The following PCDHA10 variants were observed in gnomAD, a reference collection of about 807,000 sequenced individuals.
The protein encoded by PCDHA10 is protocadherin alpha-10.
Under a neutral mutation model 61.2 loss-of-function variants are expected in PCDHA10, and 45 were observed. That is an observed-to-expected ratio of 0.74 (90% confidence interval 0.58 to 0.94). The LOEUF is 0.94. Among genes scored for constraint, PCDHA10 ranks in the 40% least tolerant of loss-of-function variants. PCDHA10 has a pLI of 0.00. For missense variants in PCDHA10, 1,278 were observed against 1,236.2 expected, an observed-to-expected ratio of 1.03 and a Z score of -0.51; for synonymous variants, 602 against 548.8, an observed-to-expected ratio of 1.10 and a Z score of -1.35.
chr5:140,928,921 C>A (rs782289381), intron 1 of PCDHA10: 1 of 1,614,116 alleles, frequency 6.2e-7, no homozygotes, highest in Non-Finnish European at 8.5e-7. Flanking sequence ...AGGAGGGCAG[C>A]TTTCTGCCCA....
intron 1 of PCDHA10, chr5:140,863,602 T>G: frequency 1.4e-5 from 5 of 354,858 alleles, no homozygotes; most frequent in South Asian, 1.1e-4. Flanking sequence ...TTCATTCCTA[T>G]TAATGTCCCT....
intron 1 of PCDHA10, chr5:140,882,955 C>G (rs1554176243): frequency 6.2e-7 from 1 of 1,614,178 alleles, no homozygotes; most frequent in Admixed American, 1.7e-5. Context: ...TTCAGCTGCT[C>G]ATCACGATTC....
chr5:140,958,677 G>C (rs917513084), intron 1 of PCDHA10, among the ~76,000 whole-genome samples: 3 of 152,090 alleles, frequency 2.0e-5, no homozygotes, highest in Non-Finnish European at 2.9e-5. Context: ...TAATTATAAA[G>C]GATATTGAAT....
intron 1 of PCDHA10, among the ~76,000 whole-genome samples, chr5:140,881,116 TG>T (rs1181000408): frequency 3.3e-5 from 5 of 152,242 alleles, no homozygotes; most frequent in African/African-American, 7.2e-5. Flanking sequence ...CCTGGGATTT[TG>T]TGGCTTGGTA....
At chr5:140,876,686 A>G (rs1554168790) in intron 1 of PCDHA10, 1 of 1,613,822 alleles carries the variant, frequency 6.2e-7, no homozygotes, top group Admixed American at 1.7e-5. Context: ...AAGAATTACT[A>G]CTCGTTGGTG....
rs1554262420 is a variant in PCDHA10, at chr5:141,009,791, C to G, written c.2701C>G (p.Pro901Ala). ...TGCAATCATCTCCATCCGGCAGGAG[C>G]CTACTAACAGCCAAATTGACAAAAG... ...SPAIISIRQE[P>A]TNSQIDKSDF... The change falls in exon 4 of 4, where the codon CCT becomes GCT. Residue 901 changes from proline (P) to alanine (A), a missense_variant. Pro to Ala is a conservative substitution (Grantham distance 27). Transcript: ENST00000307360. 1 of 1,614,084 alleles carries G rather than the reference C, an allele frequency of 6.2e-7. No individual in the cohort carries two copies. Among genetic ancestry groups the G allele is most frequent in the Admixed American group, 1.7e-5 (1 of 60,016 alleles).
intron 1 of PCDHA10, chr5:140,968,109 A>G (rs2096220086): frequency 6.2e-7 from 1 of 1,614,046 alleles, no homozygotes; most frequent in African/African-American, 1.3e-5. Context: ...GGAATACCGC[A>G]GCTCACATCC....
intron 1 of PCDHA10, chr5:140,862,055 T>A (rs562841635): frequency 6.4e-6 from 1 of 155,712 alleles, no homozygotes; most frequent in East Asian, 1.9e-4. Context: ...ATTGTTTCTT[T>A]GCAACTGATG....
At chr5:140,869,203 TC>T in intron 1 of PCDHA10, 30 of 1,614,000 alleles carry the variant, frequency 1.9e-5, no homozygotes, top group Non-Finnish European at 2.5e-5. Flanking sequence ...GCTCCACTAC[TC>T]CGTCTCGGAG....
In PCDHA10 at chr5:140,924,908, AAAT is replaced by A. The variant is rs1554202345; in HGVS notation, c.2389-54038_2389-54036del. ...AGAACCTGTCTCAAAAAAAAAAATA[AAAT>A]AAAATAAAATAAAATAAAATAAAAT... On this transcript the variant is annotated intron_variant, in intron 1 of 3. Coordinates refer to ENST00000307360, the MANE Select transcript of PCDHA10 (RefSeq NM_018901.4). Among the ~76,000 whole-genome samples the A allele has an allele frequency of 9.0e-4, 53 of 58,926 alleles. 1 individual carries two copies. The highest frequency in any genetic ancestry group is 2.8e-3 in the African/African-American group (51 of 18,360). The allele number at this position is 58,926 out of a possible 152,430, so 38.7% of individuals were successfully genotyped here. A position where few individuals can be genotyped will look rare whatever the true frequency, so the allele number is the denominator to read the frequency against.
intron 1 of PCDHA10, among the ~76,000 whole-genome samples, chr5:140,964,690 A>G (rs1554227180): frequency 2.6e-5 from 4 of 152,036 alleles, no homozygotes. Context: ...TGTGCACTTG[A>G]GAGATTAAGG....
At chr5:140,941,048 T>C (rs1157859382) in intron 1 of PCDHA10, among the ~76,000 whole-genome samples, 1 of 152,138 alleles carries the variant, frequency 6.6e-6, no homozygotes, top group African/African-American at 2.4e-5. Context: ...CAAGTCAAAT[T>C]CCCCAGCAGT....
chr5:140,866,367 C>T (rs1375421273), intron 1 of PCDHA10: 1 of 152,082 alleles, frequency 6.6e-6, no homozygotes, highest in African/African-American at 2.4e-5. Flanking sequence ...ATATTGCATA[C>T]TTCAATAACA....
intron 1 of PCDHA10, chr5:140,929,247 T>G (rs2085977234): frequency 1.9e-6 from 3 of 1,613,780 alleles, no homozygotes. Flanking sequence ...ATCTTGCCAC[T>G]GGGGTAGGAC....
At chr5:140,858,708 T>C in intron 1 of PCDHA10, 1 of 547,182 alleles carries the variant, frequency 1.8e-6, no homozygotes, top group African/African-American at 1.9e-5. Context: ...AAATATGTGA[T>C]ATAGGTTGCA....
intron 1 of PCDHA10, among the ~76,000 whole-genome samples, chr5:140,932,569 C>T (rs58622542): frequency 0.013 from 2,018 of 151,826 alleles, 38 homozygotes; most frequent in African/African-American, 0.046. Flanking sequence ...GTAGACTTTC[C>T]CATAGGGTAA....
intron 1 of PCDHA10, chr5:140,862,626 C>A: frequency 1.9e-6 from 1 of 532,422 alleles, no homozygotes; most frequent in South Asian, 1.4e-5. Flanking sequence ...ACCCGCGGGG[C>A]TGCCACGACT....
In PCDHA10 at chr5:140,883,888, T is replaced by G. The variant is rs781919107; in HGVS notation, c.2388+25452T>G. ...AGTTCCAGGTGAGCGCGCGCGACTC[T>G]GGCGTGCCGCCTCTGGGCAGCAACG... On this transcript the variant is annotated intron_variant, in intron 1 of 3. Transcript: ENST00000307360. 33 of 1,612,942 alleles carry G rather than the reference T, an allele frequency of 2.0e-5. No individual in the cohort carries two copies. In the African/African-American group the frequency reaches 2.1e-4, roughly 10 times the overall value.
chr5:140,964,138 C>T (rs529852998), intron 1 of PCDHA10, among the ~76,000 whole-genome samples: 1 of 152,300 alleles, frequency 6.6e-6, no homozygotes, highest in Admixed American at 6.5e-5. Flanking sequence ...GTAAGGTTGG[C>T]AGGAGCCTCA....
Sources: gnomAD v4.1 joint callset for allele counts (sites outside exome capture counted in the v4.1 genomes callset) on GRCh38, gnomAD v4.1.1 for gene constraint, MANE v1.5 for transcripts, NCBI Gene and HGNC (gene_info 2026-07-23, HGNC 2026-07-21) for gene names.